The following JMJD1C variants were observed in gnomAD, a reference collection of about 807,000 sequenced individuals.
The protein encoded by JMJD1C is jumonji domain containing 1C.
A neutral mutation model predicts 245.3 loss-of-function variants in JMJD1C; 31 were observed. The ratio of observed to expected loss-of-function variants is 0.13; its 90% CI spans 0.09 to 0.17. The LOEUF (loss-of-function observed/expected upper bound fraction) is 0.17. Ranked by LOEUF, JMJD1C falls within the 10% of genes least tolerant of loss-of-function variation. The pLI, the probability that JMJD1C is intolerant of heterozygous loss-of-function variation, is 1.00. For missense variants in JMJD1C, 2,691 were observed against 3,000.2 expected, an observed-to-expected ratio of 0.90 and a Z score of 2.41; for synonymous variants, 1,057 against 1,017.4, an observed-to-expected ratio of 1.04 and a Z score of -0.74.
chr10:63,438,002 C>A (rs1951153466), intron 1 of JMJD1C, among the ~76,000 whole-genome samples: 1 of 152,168 alleles, frequency 6.6e-6, no homozygotes. Context: ...TACATCAACT[C>A]ATTCAGTCTG....
chr10:63,255,646 A>G lies in JMJD1C; in HGVS notation c.447+9005T>C, dbSNP rs543327873. Among the ~76,000 whole-genome samples, 27 of 152,244 alleles carry G rather than the reference A, an allele frequency of 1.8e-4. No individual in the cohort carries two copies. In the South Asian group the frequency reaches 5.6e-3, roughly 32 times the overall value. On this transcript the variant is annotated intron_variant, in intron 3 of 25. Transcript: ENST00000399262. ...ACTTAATCTACTTTACATCGTTTCT[A>G]TTTTTGCTTCCTTCTCATCTGTAAG...
At chr10:63,495,308 A>G (rs1193684520) in intron 1 of JMJD1C, among the ~76,000 whole-genome samples, 1 of 152,172 alleles carries the variant, frequency 6.6e-6, no homozygotes, top group East Asian at 1.9e-4. Context: ...CTGCTAAGGT[A>G]AGATATAGGA....
At chr10:63,406,196 G>T (rs556375846) in intron 1 of JMJD1C, among the ~76,000 whole-genome samples, 75 of 152,260 alleles carry the variant, frequency 4.9e-4, no homozygotes, top group Middle Eastern at 6.8e-3. Context: ...AAAGGTAGAA[G>T]AAACATAGTT....
intron 24 of JMJD1C, among the ~76,000 whole-genome samples, chr10:63,175,685 C>T (rs966534875): frequency 4.6e-5 from 7 of 152,154 alleles, no homozygotes; most frequent in African/African-American, 1.7e-4. Flanking sequence ...CCCTGGTACA[C>T]CTTGTTAATT....
intron 1 of JMJD1C, chr10:63,489,441 C>T (rs1009407458): frequency 1.5e-4 from 23 of 153,032 alleles, no homozygotes; most frequent in African/African-American, 5.6e-4. Context: ...TGAGTATAAG[C>T]TACAGCAGCA....
intron 1 of JMJD1C, among the ~76,000 whole-genome samples, chr10:63,411,358 G>A (rs1342352393): frequency 6.7e-6 from 1 of 148,552 alleles, no homozygotes; most frequent in African/African-American, 2.5e-5. Context: ...GGAGTAGGTG[G>A]CCCAATCTTG....
At chr10:63,295,104 T>C (rs1859210755) in intron 2 of JMJD1C, among the ~76,000 whole-genome samples, 1 of 152,160 alleles carries the variant, frequency 6.6e-6, no homozygotes, top group Admixed American at 6.5e-5. Flanking sequence ...ATTTTTTGTT[T>C]TGAGTGAGGA....
chr10:63,351,787 G>A (rs755774053), intron 2 of JMJD1C, among the ~76,000 whole-genome samples: 3 of 152,064 alleles, frequency 2.0e-5, no homozygotes, highest in African/African-American at 7.2e-5. Flanking sequence ...GGTTAGCACC[G>A]AGCAAATACG....
intron 1 of JMJD1C, among the ~76,000 whole-genome samples, chr10:63,454,235 G>C (rs1181171118): frequency 6.6e-6 from 1 of 151,182 alleles, no homozygotes; most frequent in Non-Finnish European, 1.5e-5. Flanking sequence ...AAATGTGATC[G>C]GAGCTCTAAA....
chr10:63,442,526 G>A (rs968126865), intron 1 of JMJD1C, among the ~76,000 whole-genome samples: 1 of 152,172 alleles, frequency 6.6e-6, no homozygotes, highest in Non-Finnish European at 1.5e-5. Context: ...TGTATTTAAT[G>A]TGCATAAAAT....
At chr10:63,293,634 A>G (rs1859036651) in intron 2 of JMJD1C, among the ~76,000 whole-genome samples, 1 of 152,138 alleles carries the variant, frequency 6.6e-6, no homozygotes, top group African/African-American at 2.4e-5. Flanking sequence ...CATTCCTTTG[A>G]AACTCCTCTC....
At chr10:63,325,203 A>T (rs1323621701) in intron 2 of JMJD1C, among the ~76,000 whole-genome samples, 3 of 152,234 alleles carry the variant, frequency 2.0e-5, no homozygotes, top group African/African-American at 7.2e-5. Context: ...AAGCATGGGG[A>T]TTAACAAATA....
chr10:63,290,496 G>A (rs1858527440), intron 2 of JMJD1C, among the ~76,000 whole-genome samples: 1 of 152,136 alleles, frequency 6.6e-6, no homozygotes, highest in South Asian at 2.1e-4. Flanking sequence ...AGGAGGCGGA[G>A]GTTGCAGTGA....
intron 23 of JMJD1C, 140 bp downstream of exon 23, chr10:63,177,577 C>T (rs1443019058): frequency 2.4e-6 from 2 of 826,716 alleles, no homozygotes; most frequent in Admixed American, 5.6e-5. Flanking sequence ...AGGGTTTTGA[C>T]TTTCAACAAA....
chr10:63,395,693 G>GA (rs1255756311), intron 1 of JMJD1C, among the ~76,000 whole-genome samples: 1 of 152,004 alleles, frequency 6.6e-6, no homozygotes, highest in Non-Finnish European at 1.5e-5. Flanking sequence ...ACAAAAGCTG[G>GA]AAAAAACCCA....
chr10:63,186,036 G>A (rs1564568191), intron 19 of JMJD1C, among the ~76,000 whole-genome samples, 179 bp downstream of exon 19: 1 of 152,106 alleles, frequency 6.6e-6, no homozygotes, highest in Non-Finnish European at 1.5e-5. Context: ...TAAGGTCAAA[G>A]GAAATTAGTG....
intron 1 of JMJD1C, among the ~76,000 whole-genome samples, chr10:63,415,911 A>G (rs905568837): frequency 6.6e-6 from 1 of 152,226 alleles, no homozygotes; most frequent in Non-Finnish European, 1.5e-5. Flanking sequence ...GAAGTTGAAG[A>G]AAACAGAGCT....
chr10:63,190,600 C>A (rs1490337524), intron 17 of JMJD1C, among the ~76,000 whole-genome samples: 1 of 152,164 alleles, frequency 6.6e-6, no homozygotes, highest in African/African-American at 2.4e-5. Flanking sequence ...ATACAACATT[C>A]ACTTCCATGT....
rs1434178256 is a variant in JMJD1C at position 63,300,507 on chromosome 10, G to T, written c.334-35743C>A. Among the ~76,000 whole-genome samples, 5 of 152,096 alleles carry T rather than the reference G, an allele frequency of 3.3e-5. No individual in the cohort carries two copies. In the East Asian group the frequency reaches 5.8e-4, roughly 18 times the overall value. ...TTTATTCGAACCATCTCCACTATAT[G>T]AACAAAATCTTTGCTGTTTCTTTGT... is the stretch of plus-strand genomic sequence containing the variant. On this transcript the variant is annotated intron_variant, in intron 2 of 25. Transcript: ENST00000399262.
Sources: gnomAD v4.1 joint callset for allele counts (sites outside exome capture counted in the v4.1 genomes callset) on GRCh38, gnomAD v4.1.1 for gene constraint, MANE v1.5 for transcripts, NCBI Gene and HGNC (gene_info 2026-07-23, HGNC 2026-07-21) for gene names.